Variants in ADAMTS19 observed in about 807,000 individuals in gnomAD.
ADAMTS19 encodes ADAM metallopeptidase with thrombospondin type 1 motif 19.
ADAMTS19 carries 93 observed loss-of-function variants against 153.3 expected under a neutral mutation model. The ratio of observed to expected loss-of-function variants is 0.61; its 90% CI spans 0.51 to 0.72. ADAMTS19 has a LOEUF of 0.72. Among genes scored for constraint, ADAMTS19 ranks in the 30% least tolerant of loss-of-function variants. ADAMTS19 has a pLI of 0.00. For synonymous variants in ADAMTS19, 600 were observed against 556.6 expected, an observed-to-expected ratio of 1.08 and a Z score of -1.10; for missense variants, 1,482 against 1,552.1, an observed-to-expected ratio of 0.95 and a Z score of 0.76.
In ADAMTS19 at chr5:129,708,590, C is replaced by CAAAA. The variant is rs1174701520; in HGVS notation, c.3312+4220_3312+4223dup. On this transcript the variant is annotated intron_variant, in intron 21 of 22. Coordinates refer to ENST00000274487, the MANE Select transcript of ADAMTS19 (RefSeq NM_133638.6). Reference sequence around the variant, plus strand: ...TCATTACTGGAGACCAGCAGAGAAGCAAAAAAAAAAAAAAAAAAAAAAAAG... The same window carrying CAAAA: ...TCATTACTGGAGACCAGCAGAGAAGCAAAAAAAAAAAAAAAAAAAAAAAAAAAAG... Among the ~76,000 whole-genome samples the CAAAA allele has an allele frequency of 6.7e-3, 413 of 61,814 alleles. 4 individuals carry two copies. Among genetic ancestry groups the CAAAA allele is most frequent in the Middle Eastern group, 0.032 (2 of 62 alleles). 40.6% of individuals were successfully genotyped at this position (61,814 alleles called of 152,430 possible).
intron 19 of ADAMTS19, 40 bp downstream of exon 19, chr5:129,694,895 A>G (rs2127148746): frequency 1.4e-6 from 2 of 1,458,656 alleles, no homozygotes; most frequent in Middle Eastern, 3.7e-4. Context: ...TTATTTGTCC[A>G]TTAGATTGCT....
intron 2 of ADAMTS19, among the ~76,000 whole-genome samples, chr5:129,484,980 A>G (rs1188334271): frequency 1.3e-5 from 2 of 152,186 alleles, no homozygotes; most frequent in Non-Finnish European, 2.9e-5. Context: ...CAGAAACTCA[A>G]AAACAAAATT....
At chr5:129,470,941 A>C (rs1019471852) in intron 2 of ADAMTS19, among the ~76,000 whole-genome samples, 1 of 152,074 alleles carries the variant, frequency 6.6e-6, no homozygotes, top group Non-Finnish European at 1.5e-5. Flanking sequence ...TTTGTAGTCT[A>C]CTAGCCTCAG....
chr5:129,462,610 T>TGG (rs1451312695), intron 2 of ADAMTS19, among the ~76,000 whole-genome samples: 2 of 147,676 alleles, frequency 1.4e-5, no homozygotes, highest in Non-Finnish European at 3.0e-5. Context: ...TGTGTGTGTG[T>TGG]GTGTGTGGGG....
intron 6 of ADAMTS19, among the ~76,000 whole-genome samples, chr5:129,535,178 C>T (rs1322314766): frequency 6.6e-6 from 1 of 152,068 alleles, no homozygotes; most frequent in African/African-American, 2.4e-5. Flanking sequence ...TCATCTCAGC[C>T]CAAAATCTCC....
At chr5:129,460,532 G>A in intron 1 of ADAMTS19, 50 bp downstream of exon 1, 1 of 1,608,682 alleles carries the variant, frequency 6.2e-7, no homozygotes, top group Non-Finnish European at 8.5e-7. Flanking sequence ...TCCCAGCGGA[G>A]ACCGCGAACG....
At chr5:129,588,300 C>T (rs1749920748) in intron 7 of ADAMTS19, among the ~76,000 whole-genome samples, 1 of 152,024 alleles carries the variant, frequency 6.6e-6, no homozygotes, top group South Asian at 2.1e-4. Flanking sequence ...TATTGCAATG[C>T]AGTCAGAGAA....
intron 21 of ADAMTS19, among the ~76,000 whole-genome samples, chr5:129,716,569 G>C (rs1489074143): frequency 7.4e-6 from 1 of 135,786 alleles, no homozygotes; most frequent in East Asian, 2.3e-4. Flanking sequence ...CCCACTTCCA[G>C]TTTCTTTTTT....
intron 21 of ADAMTS19, 144 bp downstream of exon 21, chr5:129,704,535 T>C: frequency 1.1e-6 from 1 of 909,920 alleles, no homozygotes; most frequent in Non-Finnish European, 1.6e-6. Context: ...TCTGGCTGGC[T>C]GTCCATGATC....
At chr5:129,685,492 C>A (rs373162653) in intron 18 of ADAMTS19, among the ~76,000 whole-genome samples, 7 of 151,892 alleles carry the variant, frequency 4.6e-5, no homozygotes, top group Non-Finnish European at 8.8e-5. Flanking sequence ...TGTAGACTGA[C>A]AATGATTGTT....
chr5:129,554,695 A>C (rs78282582), intron 7 of ADAMTS19, among the ~76,000 whole-genome samples: 3,617 of 152,204 alleles, frequency 0.024, 115 homozygotes, highest in African/African-American at 0.078. Context: ...TATGTGAGTC[A>C]GTATATCCTT....
chr5:129,705,495 A>G (rs17163051), intron 21 of ADAMTS19, among the ~76,000 whole-genome samples: 5,300 of 152,280 alleles, frequency 0.035, 283 homozygotes, highest in African/African-American at 0.12. Context: ...CATCTGAGTT[A>G]TCAGTAAACT....
At chr5:129,480,327 T>G (rs1055244451) in intron 2 of ADAMTS19, among the ~76,000 whole-genome samples, 7 of 152,184 alleles carry the variant, frequency 4.6e-5, no homozygotes, top group Admixed American at 4.6e-4. Flanking sequence ...AAACCTTCAC[T>G]ACTTTGACAT....
Position 129,540,520 on chromosome 5 carries a change from A to G in ADAMTS19, c.1329-11344A>G, listed in dbSNP as rs143889195. On this transcript the variant is annotated intron_variant, in intron 6 of 22. Transcript: ENST00000274487. ...TACTCTTTAAAATTCAATTTTATTA[A>G]TGATAGCTTTGCCTTTCCTATTTGC... Among the ~76,000 whole-genome samples the G allele has an allele frequency of 6.3e-3, 955 of 152,180 alleles. 9 individuals are homozygous for G. Among genetic ancestry groups the G allele is most frequent in the African/African-American group, 0.022 (903 of 41,562 alleles).
At chr5:129,649,483 T>C (rs567861389) in intron 13 of ADAMTS19, among the ~76,000 whole-genome samples, 12 of 152,316 alleles carry the variant, frequency 7.9e-5, no homozygotes, top group African/African-American at 2.9e-4. Context: ...TGATTTCATG[T>C]GATAATATTC....
At chr5:129,576,122 C>G (rs1754090745) in intron 7 of ADAMTS19, among the ~76,000 whole-genome samples, 1 of 151,830 alleles carries the variant, frequency 6.6e-6, no homozygotes, top group Non-Finnish European at 1.5e-5. Flanking sequence ...ACAATAACAG[C>G]AGAAACAAAC....
chr5:129,460,494 C>T lies in ADAMTS19; in HGVS notation c.91+12C>T, dbSNP rs1056747817. The T allele has an allele frequency of 1.2e-6, 2 of 1,613,938 alleles. No individual in the cohort carries two copies. Among genetic ancestry groups the T allele is most frequent in the Admixed American group, 1.7e-5 (1 of 60,008 alleles). On this transcript the variant is annotated intron_variant, in intron 1 of 22. Transcript: ENST00000274487. ...TGGGATCGTTTCAGGTAAGTTCTTCCGTGACTTTCTCGCTTCCTTTCCAGC... is the reference window on the plus strand; with the variant it reads ...TGGGATCGTTTCAGGTAAGTTCTTCTGTGACTTTCTCGCTTCCTTTCCAGC...
chr5:129,560,530 C>T (rs1337394248), intron 7 of ADAMTS19, among the ~76,000 whole-genome samples: 1 of 152,198 alleles, frequency 6.6e-6, no homozygotes, highest in Non-Finnish European at 1.5e-5. Context: ...CAGCTCAGAA[C>T]TCTTCCCTGC....
chr5:129,732,304 T>C (rs1262108150), intron 21 of ADAMTS19, among the ~76,000 whole-genome samples: 1 of 152,072 alleles, frequency 6.6e-6, no homozygotes, highest in African/African-American at 2.4e-5. Context: ...CTCCTCAACA[T>C]AGCCCTGGAA....
Sources: gnomAD v4.1 joint callset for allele counts (sites outside exome capture counted in the v4.1 genomes callset) on GRCh38, gnomAD v4.1.1 for gene constraint, MANE v1.5 for transcripts, NCBI Gene and HGNC (gene_info 2026-07-23, HGNC 2026-07-21) for gene names.